The following CDH4 variants were observed in gnomAD, a reference collection of about 807,000 sequenced individuals.
CDH4 encodes cadherin 4.
Under a neutral mutation model 86.0 loss-of-function variants are expected in CDH4, and 33 were observed. That is an observed-to-expected ratio of 0.38 (90% confidence interval 0.29 to 0.51). The LOEUF is 0.51. Among genes scored for constraint, CDH4 ranks in the 20% least tolerant of loss-of-function variants. The pLI is 0.86. For missense variants in CDH4, 1,114 were observed against 1,307.4 expected (o/e 0.85, Z 2.28); for synonymous variants, 555 against 549.4 (o/e 1.01, Z -0.14).
intron 9 of CDH4, among the ~76,000 whole-genome samples, chr20:61,912,443 A>G (rs1338275426): frequency 6.6e-6 from 1 of 152,204 alleles, no homozygotes; most frequent in Non-Finnish European, 1.5e-5. Context: ...CTCCTGAAAA[A>G]TCTTATAAAT....
Position 61,699,513 on chromosome 20 carries a change from A to C in CDH4, c.170-44050A>C, listed in dbSNP as rs574587967. 3.1e-3 allele frequency among the ~76,000 whole-genome samples: 437 copies of C among 140,576 alleles called. 2 individuals are homozygous for C. The highest frequency in any genetic ancestry group is 9.6e-3 in the African/African-American group (395 of 41,274). The allele number at this position is 140,576 out of a possible 152,430, so 92.2% of individuals were successfully genotyped here. A position where few individuals can be genotyped will look rare whatever the true frequency, so the allele number is the denominator to read the frequency against. ...GCTAATTAGGATATGTGGCAGCAGCACTTTCTGGCTCTCCGAGTTGTTGTC... is the reference window on the plus strand; with the variant it reads ...GCTAATTAGGATATGTGGCAGCAGCCCTTTCTGGCTCTCCGAGTTGTTGTC... On this transcript the variant is annotated intron_variant, in intron 2 of 15. Transcript: ENST00000614565.
In CDH4 at chr20:61,322,219, T is replaced by C. The variant is rs1214549006; in HGVS notation, c.169+67282T>C. ...GCTGGCCTGTGGTTGGGAGCTAACGTTCCTCATTTGACTAACTACCCCCCA... is the reference window on the plus strand; with the variant it reads ...GCTGGCCTGTGGTTGGGAGCTAACGCTCCTCATTTGACTAACTACCCCCCA... On this transcript the variant is annotated intron_variant, in intron 2 of 15. Coordinates refer to ENST00000614565, the MANE Select transcript of CDH4 (RefSeq NM_001794.5). 2.0e-5 allele frequency among the ~76,000 whole-genome samples: 3 copies of C among 152,270 alleles called. No individual in the cohort carries two copies. The East Asian group carries it at 5.8e-4, about 29-fold the overall frequency.
At chr20:61,692,215 ATGTATGTG>A (rs1427415591) in intron 2 of CDH4, among the ~76,000 whole-genome samples, 3 of 150,564 alleles carry the variant, frequency 2.0e-5, no homozygotes, top group East Asian at 3.9e-4. Context: ...ATGTCTATGT[ATGTATGTG>A]TGTATGTGTG....
rs147444975 is a variant in CDH4 at position 61,518,689 on chromosome 20, A to G, written c.170-224874A>G. Among the ~76,000 whole-genome samples the G allele has an allele frequency of 1.3e-5, 2 of 150,416 alleles. No individual in the cohort carries two copies. Among genetic ancestry groups the G allele is most frequent in the Non-Finnish European group, 3.0e-5 (2 of 67,728 alleles). On this transcript the variant is annotated intron_variant, in intron 2 of 15. Transcript: ENST00000614565. The surrounding 1 kb of genome is among the most constrained non-coding windows in gnomAD (Gnocchi z 6.3). Reference sequence around the variant, plus strand: ...ATCATCCTTTATTCATCCATCCTTCATCTACCTATCTGTTGTTCAATCATC... The same window carrying G: ...ATCATCCTTTATTCATCCATCCTTCGTCTACCTATCTGTTGTTCAATCATC...
intron 3 of CDH4, among the ~76,000 whole-genome samples, chr20:61,767,032 A>G (rs59267535): frequency 5.2e-4 from 79 of 152,326 alleles, no homozygotes; most frequent in African/African-American, 1.8e-3. Context: ...TGGCCTTCCA[A>G]GCTTGAGCGG....
At chr20:61,918,186 G>A (rs2054926353) in intron 9 of CDH4, among the ~76,000 whole-genome samples, 1 of 152,232 alleles carries the variant, frequency 6.6e-6, no homozygotes, top group African/African-American at 2.4e-5. Flanking sequence ...TCCAGAGACA[G>A]AGGGACCAAG....
At chr20:61,488,182 T>C (rs1159075941) in intron 2 of CDH4, among the ~76,000 whole-genome samples, 1 of 152,222 alleles carries the variant, frequency 6.6e-6, no homozygotes, top group Non-Finnish European at 1.5e-5. Context: ...TTGCTGCATT[T>C]CCCACAGCTA....
intron 1 of CDH4, among the ~76,000 whole-genome samples, chr20:61,254,111 G>A (rs1388692477): frequency 6.6e-6 from 1 of 152,214 alleles, no homozygotes; most frequent in Admixed American, 6.5e-5. Context: ...AGGCGAGCGA[G>A]CTCCGGAGGA....
At chr20:61,839,537 TGTGTATTG>T (rs1366539514) in intron 4 of CDH4, among the ~76,000 whole-genome samples, 18 of 114,206 alleles carry the variant, frequency 1.6e-4, no homozygotes, top group Admixed American at 6.0e-4. Flanking sequence ...TGTTTGTGTA[TGTGTATTG>T]TGTGTGTTGT....
At chr20:61,798,061 T>C (rs1469847830) in intron 4 of CDH4, among the ~76,000 whole-genome samples, 1 of 152,170 alleles carries the variant, frequency 6.6e-6, no homozygotes. Flanking sequence ...ACAGCCAGCC[T>C]CTCTGAGTCT....
chr20:61,558,314 A>C (rs551967722), intron 2 of CDH4, among the ~76,000 whole-genome samples: 1 of 152,164 alleles, frequency 6.6e-6, no homozygotes, highest in South Asian at 2.1e-4. Context: ...TCCTTTCAAA[A>C]TCCTCATGTT....
intron 2 of CDH4, among the ~76,000 whole-genome samples, chr20:61,568,348 T>C (rs1333930080): frequency 6.6e-6 from 1 of 152,136 alleles, no homozygotes; most frequent in Non-Finnish European, 1.5e-5. Context: ...AGGGGCTTTT[T>C]CCCTTCGTTC....
intron 2 of CDH4, among the ~76,000 whole-genome samples, chr20:61,686,864 G>T (rs1012116642): frequency 6.6e-6 from 1 of 152,204 alleles, no homozygotes; most frequent in African/African-American, 2.4e-5. Flanking sequence ...GATTGTGCAT[G>T]TACAGGACGG....
chr20:61,559,509 A>ATTTTTTTTTAT (rs1347282522), intron 2 of CDH4, among the ~76,000 whole-genome samples: 1 of 107,806 alleles, frequency 9.3e-6, no homozygotes, highest in Admixed American at 9.3e-5. Context: ...TTTCTTTTTA[A>ATTTTTTTTTAT]TTTTTTTTTC....
At chr20:61,656,338 T>G (rs891421856) in intron 2 of CDH4, among the ~76,000 whole-genome samples, 78 of 38,490 alleles carry the variant, frequency 2.0e-3, no homozygotes, top group Admixed American at 2.5e-3. Context: ...CGTGCTGGGG[T>G]GGGTAGGCGC....
At chr20:61,650,882 A>C (rs1448431123) in intron 2 of CDH4, among the ~76,000 whole-genome samples, 1 of 152,254 alleles carries the variant, frequency 6.6e-6, no homozygotes, top group Non-Finnish European at 1.5e-5. Flanking sequence ...CAACACTTCC[A>C]TACACAGATT....
intron 4 of CDH4, among the ~76,000 whole-genome samples, chr20:61,839,415 CGTGT>C (rs528842033): frequency 7.3e-4 from 109 of 148,390 alleles, no homozygotes; most frequent in African/African-American, 2.6e-3. Flanking sequence ...TGCATGTGTG[CGTGT>C]GTGTGTGATG....
At position 61,811,016 on chromosome 20, in the gene CDH4, C is replaced by T. The variant is rs73305851; in HGVS notation, c.577-33652C>T. 0.01 allele frequency among the ~76,000 whole-genome samples: 1,563 copies of T among 152,328 alleles called. 22 individuals are homozygous for T. The highest frequency in any genetic ancestry group is 0.032 in the African/African-American group (1,345 of 41,566). ...AGGAATCAGTCAAACGAACTCATGG[C>T]TCTTCATCCCCTGCAAAACTAATGG... On this transcript the variant is annotated intron_variant, in intron 4 of 15. Coordinates refer to ENST00000614565, the MANE Select transcript of CDH4 (RefSeq NM_001794.5). The surrounding 1 kb of genome is among the most constrained non-coding windows in gnomAD (Gnocchi z 4.4).
chr20:61,721,758 A>G lies in CDH4; in HGVS notation c.170-21805A>G, dbSNP rs529295789. 3.9e-5 allele frequency among the ~76,000 whole-genome samples: 6 copies of G among 152,290 alleles called. No individual in the cohort carries two copies. The South Asian group carries it at 6.2e-4, about 16-fold the overall frequency. On this transcript the variant is annotated intron_variant, in intron 2 of 15. Coordinates refer to ENST00000614565, the MANE Select transcript of CDH4 (RefSeq NM_001794.5). Reference sequence around the variant, plus strand: ...CGGTCAAGGACCTCGTGAAGTATCAATCACCTCCAAACTGACTTCATTACC... The same window carrying G: ...CGGTCAAGGACCTCGTGAAGTATCAGTCACCTCCAAACTGACTTCATTACC...
Sources: gnomAD v4.1 joint callset for allele counts (sites outside exome capture counted in the v4.1 genomes callset) on GRCh38, gnomAD v4.1.1 for gene constraint, Gnocchi (gnomAD v3.1) non-coding constraint, MANE v1.5 for transcripts, NCBI Gene and HGNC (gene_info 2026-07-23, HGNC 2026-07-21) for gene names.